Variants in GABRA4 observed in about 807,000 individuals in gnomAD.
The protein encoded by GABRA4 is gamma-aminobutyric acid type A receptor subunit alpha4.
A neutral mutation model predicts 49.7 loss-of-function variants in GABRA4; 12 were observed. The ratio of observed to expected loss-of-function variants is 0.24; its 90% CI spans 0.15 to 0.39. The LOEUF (loss-of-function observed/expected upper bound fraction) is 0.39, where lower values mean the gene tolerates loss of function less well. GABRA4 is among the 10% of genes least tolerant of loss of function. The pLI, the probability that GABRA4 is intolerant of heterozygous loss-of-function variation, is 1.00. For missense variants in GABRA4, 506 were observed against 686.0 expected (o/e 0.74, Z 2.93); for synonymous variants, 288 against 240.2 (o/e 1.20, Z -1.84).
At chr4:46,931,785 A>T (rs1245983797) in intron 8 of GABRA4, among the ~76,000 whole-genome samples, 2 of 152,156 alleles carry the variant, frequency 1.3e-5, no homozygotes, top group African/African-American at 4.8e-5. Context: ...CTAGCCTGCT[A>T]GAGATTGAGA....
chr4:46,977,318 A>AAGGGAGGGAGGAAGGG lies in GABRA4; in HGVS notation c.494+91_494+92insCCCTTCCTCCCTCCCT, dbSNP rs1560480940. ...GAAGGGAGGGAGGAAGGGAGGGAGG[A>AAGGGAGGGAGGAAGGG]AGGGAGGGAGGAAGGAAGGAAGGAA... On this transcript the variant is annotated intron_variant, in intron 4 of 8. Transcript: ENST00000264318. The AAGGGAGGGAGGAAGGG allele has an allele frequency of 5.3e-4, 314 of 587,630 alleles. 3 individuals are homozygous for AAGGGAGGGAGGAAGGG. The highest frequency in any genetic ancestry group is 1.3e-3 in the Middle Eastern group (3 of 2,388). The allele number at this position is 587,630 out of a possible 1,614,324, so 36.4% of individuals were successfully genotyped here. A position where few individuals can be genotyped will look rare whatever the true frequency, so the allele number is the denominator to read the frequency against.
At chr4:46,990,494 C>T (rs1723706002) in intron 2 of GABRA4, among the ~76,000 whole-genome samples, 1 of 152,162 alleles carries the variant, frequency 6.6e-6, no homozygotes, top group Non-Finnish European at 1.5e-5. Context: ...TTTTAACTTT[C>T]AACATTTATA....
At chr4:46,933,866 C>T (rs1014320645) in intron 8 of GABRA4, among the ~76,000 whole-genome samples, 4 of 152,058 alleles carry the variant, frequency 2.6e-5, no homozygotes, top group African/African-American at 9.7e-5. Flanking sequence ...GTCACAATAG[C>T]CTGAAGCAAG....
chr4:46,937,855 A>G (rs1721652672), intron 8 of GABRA4, among the ~76,000 whole-genome samples: 1 of 152,144 alleles, frequency 6.6e-6, no homozygotes, highest in Non-Finnish European at 1.5e-5. Context: ...CTGCTTCTTC[A>G]ACCACCAAAT....
chr4:46,979,409 C>T (rs911381967), intron 2 of GABRA4, among the ~76,000 whole-genome samples: 1 of 151,934 alleles, frequency 6.6e-6, no homozygotes, highest in Non-Finnish European at 1.5e-5. Flanking sequence ...TTAACCTTTG[C>T]GATATTTTAT....
chr4:46,983,571 C>T (rs1396886143), intron 2 of GABRA4, among the ~76,000 whole-genome samples: 4 of 152,022 alleles, frequency 2.6e-5, no homozygotes, highest in African/African-American at 9.7e-5. Flanking sequence ...TTTTAAGAAA[C>T]TGTCTTATTT....
chr4:46,944,669 C>T (rs550425034), intron 8 of GABRA4, among the ~76,000 whole-genome samples: 1 of 152,040 alleles, frequency 6.6e-6, no homozygotes, highest in Non-Finnish European at 1.5e-5. Flanking sequence ...TCTTCTTTAC[C>T]TCCCTTTTAT....
Position 46,993,445 on chromosome 4 carries a change from C to CA in GABRA4, c.-22dup. ...ACCATCTTTGCAACATGCCATACTT[C>CA]AAGCCTGTTCACGTTTCCAGGCTCT... is the stretch of plus-strand genomic sequence containing the variant. On this transcript the variant is annotated 5_prime_UTR_variant, in exon 1 of 9. Coordinates refer to ENST00000264318, the MANE Select transcript of GABRA4 (RefSeq NM_000809.4). 1 of 1,612,946 alleles carries CA rather than the reference C, an allele frequency of 6.2e-7. No individual in the cohort carries two copies. Among genetic ancestry groups the CA allele is most frequent in the Non-Finnish European group, 8.5e-7 (1 of 1,178,910 alleles).
In GABRA4 at chr4:46,976,519, C is replaced by A. The variant is rs577445755; in HGVS notation, c.577+542G>T. Among the ~76,000 whole-genome samples the A allele has an allele frequency of 2.1e-3, 312 of 151,770 alleles. 4 individuals carry two copies. The highest frequency in any genetic ancestry group is 3.2e-4 in the Non-Finnish European group (22 of 67,884). On this transcript the variant is annotated intron_variant, in intron 5 of 8. Transcript: ENST00000264318. Reference sequence around the variant, plus strand: ...TATATTAACTCAGACCACACCCCTACCATGCTTTTGCCATGCTTCAGTCAC... The same window carrying A: ...TATATTAACTCAGACCACACCCCTAACATGCTTTTGCCATGCTTCAGTCAC...
At chr4:46,984,656 T>A (rs1723471083) in intron 2 of GABRA4, among the ~76,000 whole-genome samples, 1 of 151,646 alleles carries the variant, frequency 6.6e-6, no homozygotes, top group Admixed American at 6.6e-5. Flanking sequence ...GGAAAGAAAA[T>A]TATCGTAGCC....
chr4:46,966,748 G>T (rs953444870), intron 7 of GABRA4, among the ~76,000 whole-genome samples: 1 of 151,658 alleles, frequency 6.6e-6, no homozygotes, highest in Admixed American at 6.6e-5. Context: ...CAACACATGA[G>T]CTACACATCA....
chr4:46,961,839 A>G (rs546673150), intron 8 of GABRA4, among the ~76,000 whole-genome samples: 1 of 151,948 alleles, frequency 6.6e-6, no homozygotes, highest in Non-Finnish European at 1.5e-5. Context: ...TAGTGGAGGA[A>G]GAAGAAGAGG....
chr4:46,927,695 T>C lies in GABRA4; in HGVS notation c.*530A>G, dbSNP rs1721275103. ...GTCTTAGTTTTTTATGCAGCAGATA[T>C]TTTACTCTATTGATCAGTGTTTATA... On this transcript the variant is annotated 3_prime_UTR_variant, in exon 9 of 9. Transcript: ENST00000264318. 1 of 152,362 alleles carries C rather than the reference T, an allele frequency of 6.6e-6. No homozygotes were observed. Among genetic ancestry groups the C allele is most frequent in the African/African-American group, 2.4e-5 (1 of 41,432 alleles). The allele number at this position is 152,362 out of a possible 1,614,324, so 9.4% of individuals were successfully genotyped here.
At chr4:46,985,751 G>T (rs998636937) in intron 2 of GABRA4, among the ~76,000 whole-genome samples, 5 of 151,864 alleles carry the variant, frequency 3.3e-5, no homozygotes, top group African/African-American at 1.2e-4. Flanking sequence ...TAATGAAAAT[G>T]TAAATATATT....
chr4:46,950,293 T>C (rs911167539), intron 8 of GABRA4, among the ~76,000 whole-genome samples: 1 of 152,060 alleles, frequency 6.6e-6, no homozygotes. Flanking sequence ...TGTGCCCCCA[T>C]TAGGCCCAGG....
rs148838137 is a variant in GABRA4 at position 46,921,242 on chromosome 4, G to T, written c.*6983C>A. On this transcript the variant is annotated 3_prime_UTR_variant, in exon 9 of 9. Coordinates refer to ENST00000264318, the MANE Select transcript of GABRA4 (RefSeq NM_000809.4). Reference sequence around the variant, plus strand: ...CGTTATCCAAAAAGAAATTAAAAACGTTTATACTTATAATTAAAGGAATAA... The same window carrying T: ...CGTTATCCAAAAAGAAATTAAAAACTTTTATACTTATAATTAAAGGAATAA... The T allele has an allele frequency of 3.2e-4, 49 of 151,332 alleles. No individual in the cohort carries two copies. The highest frequency in any genetic ancestry group is 1.0e-3 in the African/African-American group (42 of 41,326). The allele number at this position is 151,332 out of a possible 1,614,324, so 9.4% of individuals were successfully genotyped here.
chr4:46,972,591 A>G (rs1722987613), intron 6 of GABRA4, among the ~76,000 whole-genome samples: 1 of 151,482 alleles, frequency 6.6e-6, no homozygotes. Context: ...CTTCTTATTT[A>G]TTATCTTCTG....
At chr4:46,991,089 G>A (rs1193745977) in intron 2 of GABRA4, among the ~76,000 whole-genome samples, 1 of 152,148 alleles carries the variant, frequency 6.6e-6, no homozygotes, top group African/African-American at 2.4e-5. Context: ...TGGGGGCTGA[G>A]GCAGGAGAAT....
In GABRA4 at chr4:46,941,223, C is replaced by G. The variant is rs75936741; in HGVS notation, c.1135-12468G>C. On this transcript the variant is annotated intron_variant, in intron 8 of 8. Coordinates refer to ENST00000264318, the MANE Select transcript of GABRA4 (RefSeq NM_000809.4). ...AACTTGTATAAAACAAATCTTAAAA[C>G]CAAAACTATGAACTATCATTATCAT... 1.8e-3 allele frequency among the ~76,000 whole-genome samples: 273 copies of G among 151,886 alleles called. 1 individual carries two copies. Among genetic ancestry groups the G allele is most frequent in the African/African-American group, 6.2e-3 (256 of 41,458 alleles).
Sources: allele counts gnomAD v4.1 joint callset (sites outside exome capture counted in the v4.1 genomes callset), GRCh38; gene constraint gnomAD v4.1.1; transcripts MANE v1.5; gene names NCBI Gene and HGNC (gene_info 2026-07-23, HGNC 2026-07-21).